Variants in LILRB1 observed in about 807,000 individuals in gnomAD.
The protein encoded by LILRB1 is leukocyte immunoglobulin like receptor B1.
In LILRB1, 59 loss-of-function variants were observed where a neutral mutation model predicts 74.6. The ratio of observed to expected loss-of-function variants is 0.79; its 90% CI spans 0.64 to 0.98. The LOEUF (loss-of-function observed/expected upper bound fraction) is 0.98. Among genes scored for constraint, LILRB1 ranks in the 50% least tolerant of loss-of-function variants. LILRB1 has a pLI of 0.00. For missense variants in LILRB1, 804 were observed against 822.6 expected (o/e 0.98, Z 0.28); for synonymous variants, 328 against 333.9 (o/e 0.98, Z 0.19).
At chr19:54,628,633 C>T (rs146694863), upstream of LILRB1, among the ~76,000 whole-genome samples, 91 of 152,194 alleles carry the variant, frequency 6.0e-4, 1 homozygote, top group East Asian at 0.015. Context: ...GGGGAAGGGG[C>T]GCAGGGCTTC....
At chr19:54,630,330 G>T (rs541728689), upstream of LILRB1, 490 of 292,762 alleles carry the variant, frequency 1.7e-3, no homozygotes, top group Non-Finnish European at 2.5e-3. Context: ...CACCGAGGAG[G>T]CAGGAAAGAC....
At chr19:54,628,307 A>C (rs1271816802), upstream of LILRB1, among the ~76,000 whole-genome samples, 1 of 152,208 alleles carries the variant, frequency 6.6e-6, no homozygotes, top group Non-Finnish European at 1.5e-5. Context: ...AACATAAAGT[A>C]CATTGATTTA....
In LILRB1 at chr19:54,636,725, G is replaced by A. The variant is rs41308748; in HGVS notation, c.1813-7G>A. ...CGTTCCTTCCCTCTCACTCTCCCCC[G>A]CTGCAGGCTGCTGCATCTGAAGCCC... On this transcript the variant is annotated splice_polypyrimidine_tract_variant and splice_region_variant and intron_variant, in intron 14 of 14. Coordinates refer to ENST00000324602, the MANE Select transcript of LILRB1 (RefSeq NM_001081637.3). 72,913 of 1,191,938 alleles carry A rather than the reference G, an allele frequency of 0.061. 1,572 individuals carry two copies. The highest frequency in any genetic ancestry group is 0.064 in the Non-Finnish European group (58,864 of 913,674). The allele number at this position is 1,191,938 out of a possible 1,614,324, so 73.8% of individuals were successfully genotyped here.
intron 13 of LILRB1, 53 bp downstream of exon 13, chr19:54,635,662 A>T (rs901173643): frequency 6.3e-7 from 1 of 1,588,976 alleles, no homozygotes; most frequent in African/African-American, 1.4e-5. Flanking sequence ...GCCAGATCTA[A>T]TCCTGCAGAA....
intron 1 of LILRB1, among the ~76,000 whole-genome samples, chr19:54,623,971 G>A (rs1037976022): frequency 6.6e-6 from 1 of 152,326 alleles, no homozygotes; most frequent in African/African-American, 2.4e-5. Flanking sequence ...TCAAATTGCA[G>A]GCCAGGAGCT....
In LILRB1 at chr19:54,636,586, A is replaced by T; in HGVS notation, c.1746A>T (p.Pro582=). 1 of 1,609,662 alleles carries T rather than the reference A, an allele frequency of 6.2e-7. No homozygotes were observed. ...PRREMASPPS[P]LSGEFLDTKD... ...GAGAAATGGCCTCTCCTCCTTCCCC[A>T]CTGTCTGGGGAATTCCTGGACACAA... Residue 582 remains proline (P), a synonymous_variant, in exon 14 of 15, where the codon CCA becomes CCT. Transcript: ENST00000324602.
At chr19:54,628,781 A>G (rs539548224), upstream of LILRB1, among the ~76,000 whole-genome samples, 12 of 152,240 alleles carry the variant, frequency 7.9e-5, no homozygotes, top group South Asian at 2.3e-3. Context: ...GGCTGAGACC[A>G]TCTTCTGGGA....
rs1309807900 is a variant in LILRB1, at chr19:54,637,965, A to G, written c.*1087A>G. Among the ~76,000 whole-genome samples, 1 of 151,920 alleles carries G rather than the reference A, an allele frequency of 6.6e-6. No homozygotes were observed. The highest frequency in any genetic ancestry group is 1.5e-5 in the Non-Finnish European group (1 of 67,908). ...TCATTTTAGATGTGTGTGTGTGTGT[A>G]TATATATGTGTGTGTGTGTGAAAAA... is the stretch of plus-strand genomic sequence containing the variant. On this transcript the variant is annotated 3_prime_UTR_variant, in exon 15 of 15. Transcript: ENST00000324602.
At chr19:54,623,778 T>C (rs2063511311) in intron 1 of LILRB1, among the ~76,000 whole-genome samples, 2 of 152,216 alleles carry the variant, frequency 1.3e-5, no homozygotes, top group African/African-American at 4.8e-5. Flanking sequence ...ACTGATTCCT[T>C]CTCTTCTGGA....
Position 54,631,763 on chromosome 19 carries a change from G to C in LILRB1, c.334G>C (p.Asp112His). Residue 112 changes from aspartate (D) to histidine (H), a missense_variant, in exon 4 of 15, where the codon GAC (aspartate) becomes CAC (histidine). Coordinates refer to ENST00000324602, the MANE Select transcript of LILRB1 (RefSeq NM_001081637.3). ...SDTAGRSESS[D>H]PLELVVTGAY... ...CACTGCAGGCCGCTCAGAGAGCAGT[G>C]ACCCCCTGGAGCTGGTGGTGACAGG... The C allele has an allele frequency of 6.2e-7, 1 of 1,614,222 alleles. No individual in the cohort carries two copies. Among genetic ancestry groups the C allele is most frequent in the Non-Finnish European group, 8.5e-7 (1 of 1,180,012 alleles).
In LILRB1 at chr19:54,634,414, G is replaced by A. The variant is rs572479622; in HGVS notation, c.1364-227G>A. On this transcript the variant is annotated intron_variant, in intron 9 of 14. Coordinates refer to ENST00000324602, the MANE Select transcript of LILRB1 (RefSeq NM_001081637.3). ...AACAAGGGCTGCAGGTCAGACTCCTGGGCTTCCTTCCCAGCTCTGCCGCTT... is the reference window on the plus strand; with the variant it reads ...AACAAGGGCTGCAGGTCAGACTCCTAGGCTTCCTTCCCAGCTCTGCCGCTT... 2,452 of 1,523,596 alleles carry A rather than the reference G, an allele frequency of 1.6e-3. 48 individuals are homozygous for A. In the South Asian group the frequency reaches 0.027, roughly 17 times the overall value. 94.4% of individuals were successfully genotyped at this position (1,523,596 alleles called of 1,614,324 possible).
At chr19:54,634,619 C>G (rs10414578) in intron 9 of LILRB1, 22 bp from the exon 10 acceptor site, 12 of 1,596,028 alleles carry the variant, frequency 7.5e-6, no homozygotes, top group Non-Finnish European at 1.0e-5. Flanking sequence ...TCACCCCCAT[C>G]CCTGACATCA....
Position 54,633,627 on chromosome 19 carries a change from C to G in LILRB1, c.1262-11C>G, listed in dbSNP as rs2064115735. On this transcript the variant is annotated splice_polypyrimidine_tract_variant and intron_variant, in intron 7 of 14. Coordinates refer to ENST00000324602, the MANE Select transcript of LILRB1 (RefSeq NM_001081637.3). ...CCCAGCTCCTCAGCCTCCTCTCATT[C>G]TTTTACCCAGGACCGTCTGGGGGCC... 2 of 1,612,466 alleles carry G rather than the reference C, an allele frequency of 1.2e-6. No homozygotes were observed. Among genetic ancestry groups the G allele is most frequent in the Non-Finnish European group, 1.7e-6 (2 of 1,179,342 alleles).
At chr19:54,628,217 A>C (rs563891510), upstream of LILRB1, among the ~76,000 whole-genome samples, 3 of 152,394 alleles carry the variant, frequency 2.0e-5, no homozygotes, top group Admixed American at 6.5e-5. Context: ...AAGGAAGAGG[A>C]ACAGGCTATG....
rs1420371082 is a variant in LILRB1 at position 54,631,942 on chromosome 19, C to T, written c.366C>T (p.Tyr122=). Residue 122 remains tyrosine, a synonymous_variant, in exon 5 of 15, where the codon TAC becomes TAT. Coordinates refer to ENST00000324602, the MANE Select transcript of LILRB1 (RefSeq NM_001081637.3). ...DPLELVVTGA[Y]IKPTLSAQPS... Reference sequence around the variant, plus strand: ...TGCCTCCTTCTCTCCTAGGAGCCTACATCAAACCCACCCTCTCAGCCCAGC... The same window carrying T: ...TGCCTCCTTCTCTCCTAGGAGCCTATATCAAACCCACCCTCTCAGCCCAGC... 12 of 1,612,508 alleles carry T rather than the reference C, an allele frequency of 7.4e-6. No individual in the cohort carries two copies. Among genetic ancestry groups the T allele is most frequent in the Middle Eastern group, 1.6e-4 (1 of 6,078 alleles).
rs2064508953 is a variant in LILRB1 at position 54,637,059 on chromosome 19, C to G, written c.*181C>G. On this transcript the variant is annotated 3_prime_UTR_variant, in exon 15 of 15. Transcript: ENST00000324602. The stretch of plus-strand genomic sequence containing the variant: ...ATGTCTCTACAATTTTGAAATAAAG[C>G]AACAGACTTCTCAATAATCAATGAA... 1 of 663,762 alleles carries G rather than the reference C, an allele frequency of 1.5e-6. No individual in the cohort carries two copies. The highest frequency in any genetic ancestry group is 2.3e-5 in the South Asian group (1 of 44,406). 41.1% of individuals were successfully genotyped at this position (663,762 alleles called of 1,614,324 possible).
upstream of LILRB1, among the ~76,000 whole-genome samples, chr19:54,628,033 C>T (rs745307599): frequency 6.6e-6 from 1 of 152,204 alleles, no homozygotes; most frequent in Non-Finnish European, 1.5e-5. Flanking sequence ...TAACCTGACA[C>T]GTCCACCCTA....
In LILRB1 at chr19:54,621,604, C is replaced by T. The variant is rs570999883; in HGVS notation, c.-166+4255C>T. ...CTGGACATTAGTCTTTTGTTGGAGG[C>T]ATAATTTGCAAATATTTTCTTCCAT... On this transcript the variant is annotated intron_variant, in intron 1 of 15. Transcript: ENST00000396331. Among the ~76,000 whole-genome samples, 3 of 151,552 alleles carry T rather than the reference C, an allele frequency of 2.0e-5. No individual in the cohort carries two copies. The South Asian group carries it at 6.3e-4, about 32-fold the overall frequency.
chr19:54,634,220 C>G, intron 9 of LILRB1, 199 bp downstream of exon 9: 2 of 1,497,458 alleles, frequency 1.3e-6, no homozygotes, highest in Non-Finnish European at 1.8e-6. Flanking sequence ...GCTGTGACCT[C>G]CTGGGAGAGG....
Sources: allele counts gnomAD v4.1 joint callset (sites outside exome capture counted in the v4.1 genomes callset), GRCh38; gene constraint gnomAD v4.1.1; transcripts MANE v1.5; gene names NCBI Gene and HGNC (gene_info 2026-07-23, HGNC 2026-07-21).